Variants in ST6GAL1 observed in about 807,000 individuals in gnomAD.
ST6GAL1 encodes ST6 beta-galactoside alpha-2,6-sialyltransferase 1.
ST6GAL1 carries 20 observed loss-of-function variants against 38.0 expected under a neutral mutation model. That is an observed-to-expected ratio of 0.53 (90% CI 0.37 to 0.77). The LOEUF is 0.77. ST6GAL1 is among the 30% of genes least tolerant of loss of function. The probability of loss-of-function intolerance (pLI) is 0.00; values close to 1 mark genes in which losing one functional copy is unlikely to be tolerated. For missense variants in ST6GAL1, 432 were observed against 496.4 expected, an observed-to-expected ratio of 0.87 and a Z score of 1.23; for synonymous variants, 196 against 188.2, an observed-to-expected ratio of 1.04 and a Z score of -0.34.
intron 2 of ST6GAL1, among the ~76,000 whole-genome samples, chr3:186,965,123 C>T (rs1228270462): frequency 6.6e-6 from 1 of 152,124 alleles, no homozygotes; most frequent in African/African-American, 2.4e-5. Flanking sequence ...GGGGAGCCTT[C>T]GGATTACTGA....
chr3:187,065,899 T>A (rs529251549), intron 5 of ST6GAL1, among the ~76,000 whole-genome samples: 1 of 152,356 alleles, frequency 6.6e-6, no homozygotes, highest in African/African-American at 2.4e-5. Flanking sequence ...ACCACCATTT[T>A]ACCTCAGAAC....
At chr3:186,933,235 CG>C (rs1300112742) in intron 1 of ST6GAL1, among the ~76,000 whole-genome samples, 5 of 152,174 alleles carry the variant, frequency 3.3e-5, no homozygotes, top group African/African-American at 1.2e-4. Context: ...ACTCACAAAC[CG>C]GTCAGCATGC....
At chr3:186,984,403 C>G (rs531390031) in intron 2 of ST6GAL1, among the ~76,000 whole-genome samples, 3 of 152,104 alleles carry the variant, frequency 2.0e-5, no homozygotes, top group Non-Finnish European at 4.4e-5. Flanking sequence ...TTGCTAAAAG[C>G]CAGAGTTCTT....
At chr3:187,045,604 A>C (rs1347008424) in intron 4 of ST6GAL1, among the ~76,000 whole-genome samples, 4 of 152,098 alleles carry the variant, frequency 2.6e-5, no homozygotes, top group African/African-American at 7.2e-5. Context: ...TTTGCTGGAG[A>C]GCTAAATGCG....
chr3:187,025,238 G>A (rs1038626191), intron 2 of ST6GAL1, among the ~76,000 whole-genome samples: 1 of 152,142 alleles, frequency 6.6e-6, no homozygotes, highest in African/African-American at 2.4e-5. Context: ...CTGATACAAA[G>A]TCTGGCGTTT....
intron 1 of ST6GAL1, among the ~76,000 whole-genome samples, chr3:186,944,285 C>A (rs575072495): frequency 3.9e-4 from 59 of 152,302 alleles, no homozygotes; most frequent in Admixed American, 9.2e-4. Context: ...ACAATCACAG[C>A]TGGCTGGAGG....
chr3:187,058,758 C>T (rs935822348), intron 5 of ST6GAL1, among the ~76,000 whole-genome samples: 2 of 151,980 alleles, frequency 1.3e-5, no homozygotes, highest in Non-Finnish European at 2.9e-5. Context: ...CCTCTTGCCT[C>T]AGCCTCCTGA....
intron 3 of ST6GAL1, among the ~76,000 whole-genome samples, chr3:187,041,727 T>C (rs1458235266): frequency 6.6e-6 from 1 of 152,184 alleles, no homozygotes; most frequent in Non-Finnish European, 1.5e-5. Flanking sequence ...AGCCTCAGGT[T>C]GCTAATCCAT....
intron 2 of ST6GAL1, among the ~76,000 whole-genome samples, chr3:186,995,526 AT>A (rs1326106184): frequency 3.2e-4 from 42 of 131,218 alleles, no homozygotes; most frequent in East Asian, 1.3e-3. Context: ...TAATAATAAA[AT>A]AAAAAAAAAA....
intron 2 of ST6GAL1, among the ~76,000 whole-genome samples, chr3:187,000,216 A>T (rs1716570262): frequency 6.6e-6 from 1 of 152,132 alleles, no homozygotes; most frequent in Admixed American, 6.6e-5. Context: ...CTGTTTGCAA[A>T]GCAAGCTTTT....
At chr3:187,024,491 TATAGAGAGAG>T (rs1481590466) in intron 2 of ST6GAL1, among the ~76,000 whole-genome samples, 8,107 of 105,134 alleles carry the variant, frequency 0.077, 198 homozygotes, top group East Asian at 0.14. Context: ...TATATATATA[TATAGAGAGAG>T]AGAGAGAGAG....
intron 7 of ST6GAL1, 127 bp downstream of exon 7, chr3:187,074,460 G>C (rs1353166836): frequency 9.7e-7 from 1 of 1,029,418 alleles, no homozygotes; most frequent in Admixed American, 3.6e-5. Context: ...ATTCTGCTCT[G>C]CTTGTAGACC....
chr3:187,022,136 G>C (rs564309469), intron 2 of ST6GAL1: 5 of 152,212 alleles, frequency 3.3e-5, no homozygotes, highest in Non-Finnish European at 1.5e-5. Context: ...ACTGGTGGAG[G>C]GGGGATGTCT....
chr3:186,980,075 C>G (rs917057803), intron 2 of ST6GAL1, among the ~76,000 whole-genome samples: 2 of 152,160 alleles, frequency 1.3e-5, no homozygotes, highest in Admixed American at 6.5e-5. Context: ...TTGCCTGAAG[C>G]CATAAAACAA....
At chr3:187,025,851 C>T (rs1717516381) in intron 2 of ST6GAL1, among the ~76,000 whole-genome samples, 1 of 152,162 alleles carries the variant, frequency 6.6e-6, no homozygotes, top group Non-Finnish European at 1.5e-5. Context: ...GTTCTGTTCT[C>T]CAGACTCTTA....
At chr3:186,982,794 G>A (rs1210692869) in intron 2 of ST6GAL1, among the ~76,000 whole-genome samples, 3 of 147,880 alleles carry the variant, frequency 2.0e-5, no homozygotes, top group African/African-American at 7.5e-5. Flanking sequence ...TGTTTCTCCT[G>A]CTTCAGCCTC....
At chr3:186,948,528 AGTGTGTGTGTGT>A (rs36234165) in intron 1 of ST6GAL1, among the ~76,000 whole-genome samples, 4,838 of 146,310 alleles carry the variant, frequency 0.033, 258 homozygotes, top group African/African-American at 0.11. Flanking sequence ...CAGAAACTCT[AGTGTGTGTGTGT>A]GTGTGTGTGT....
chr3:187,065,696 C>G (rs1388711430), intron 5 of ST6GAL1, among the ~76,000 whole-genome samples: 2 of 152,170 alleles, frequency 1.3e-5, no homozygotes, highest in Non-Finnish European at 2.9e-5. Context: ...GAGAGAAGAC[C>G]TACTTCCTAT....
chr3:186,954,421 T>C (rs1714680582), intron 1 of ST6GAL1, among the ~76,000 whole-genome samples: 1 of 152,242 alleles, frequency 6.6e-6, no homozygotes, highest in Non-Finnish European at 1.5e-5. Context: ...TCTTCCACAA[T>C]GGTTGAACTA....
Sources: allele counts gnomAD v4.1 joint callset (sites outside exome capture counted in the v4.1 genomes callset), GRCh38; gene constraint gnomAD v4.1.1; transcripts MANE v1.5; gene names NCBI Gene and HGNC (gene_info 2026-07-23, HGNC 2026-07-21).